Variants in NOL4 observed in about 807,000 individuals in gnomAD.
The protein encoded by NOL4 is nucleolar protein 4.
Under a neutral mutation model 75.9 loss-of-function variants are expected in NOL4, and 17 were observed. The ratio of observed to expected loss-of-function variants is 0.22; its 90% confidence interval spans 0.15 to 0.34. NOL4 has a LOEUF of 0.34. Ranked by LOEUF, NOL4 falls within the 10% of genes least tolerant of loss-of-function variation. NOL4 has a pLI of 1.00. For missense variants in NOL4, 614 were observed against 793.5 expected (o/e 0.77, Z 2.72); for synonymous variants, 292 against 289.9 (o/e 1.01, Z -0.07).
At chr18:33,952,240 C>T (rs190130865) in intron 8 of NOL4, among the ~76,000 whole-genome samples, 1 of 152,052 alleles carries the variant, frequency 6.6e-6, no homozygotes, top group Non-Finnish European at 1.5e-5. Context: ...ATAAGTAGCT[C>T]TGAAAAATAT....
At chr18:34,192,211 A>T (rs1207480700) in intron 1 of NOL4, among the ~76,000 whole-genome samples, 3 of 152,204 alleles carry the variant, frequency 2.0e-5, no homozygotes, top group Non-Finnish European at 4.4e-5. Flanking sequence ...TCATTGATGA[A>T]AGACATCATT....
intron 1 of NOL4, among the ~76,000 whole-genome samples, chr18:34,139,301 T>A (rs545819310): frequency 1.8e-4 from 27 of 152,352 alleles, no homozygotes; most frequent in African/African-American, 5.0e-4. Context: ...TGAATCTGTC[T>A]GGTCCTGGAC....
chr18:33,989,262 G>T (rs1014725252), intron 6 of NOL4, among the ~76,000 whole-genome samples: 13 of 150,852 alleles, frequency 8.6e-5, no homozygotes, highest in Admixed American at 7.9e-4. Flanking sequence ...AATATAGGCT[G>T]GTTAGTGATA....
At chr18:33,881,724 C>G (rs982316106) in intron 10 of NOL4, among the ~76,000 whole-genome samples, 1 of 152,034 alleles carries the variant, frequency 6.6e-6, no homozygotes, top group Non-Finnish European at 1.5e-5. Flanking sequence ...CATATGGAAC[C>G]AAAAACGAGC....
chr18:33,871,855 C>T (rs570607563), intron 10 of NOL4, among the ~76,000 whole-genome samples: 14 of 152,204 alleles, frequency 9.2e-5, no homozygotes, highest in Admixed American at 8.5e-4. Flanking sequence ...ACTCACCTCC[C>T]TTTTCAGGGC....
chr18:34,174,242 T>C (rs1328936050), intron 1 of NOL4, among the ~76,000 whole-genome samples: 1 of 152,116 alleles, frequency 6.6e-6, no homozygotes, highest in African/African-American at 2.4e-5. Context: ...ACTATTTAAA[T>C]CCAGGGCACA....
chr18:34,104,006 C>A lies in NOL4; in HGVS notation c.639+41G>T, dbSNP rs75344802. On this transcript the variant is annotated intron_variant, in intron 4 of 10. Transcript: ENST00000261592. ...ATAGTCATGGTTATCAAGCTTCGTT[C>A]CAATTTGTAAGTAATACAAATGTAG... The A allele has an allele frequency of 4.8e-4, 650 of 1,343,142 alleles. 1 individual carries two copies. The African/African-American group carries it at 8.1e-3, about 17-fold the overall frequency. 83.2% of individuals were successfully genotyped at this position (1,343,142 alleles called of 1,614,324 possible). A position where few individuals can be genotyped will look rare whatever the true frequency, so the allele number is the denominator to read the frequency against.
intron 6 of NOL4, among the ~76,000 whole-genome samples, chr18:34,007,474 TATAA>T (rs1452079563): frequency 6.6e-6 from 1 of 151,992 alleles, no homozygotes; most frequent in Non-Finnish European, 1.5e-5. Context: ...TAGAAGAAGG[TATAA>T]ATACCAGCTA....
At chr18:34,072,208 G>C (rs976545275) in intron 5 of NOL4, among the ~76,000 whole-genome samples, 2 of 152,114 alleles carry the variant, frequency 1.3e-5, no homozygotes, top group Admixed American at 1.3e-4. Flanking sequence ...CTAGGTGACA[G>C]AGCGAGACTC....
At chr18:34,135,720 C>T (rs78316933) in intron 1 of NOL4, among the ~76,000 whole-genome samples, 1 of 58,942 alleles carries the variant, frequency 1.7e-5, no homozygotes, top group Non-Finnish European at 3.5e-5. Flanking sequence ...AAGCTTTTCA[C>T]ACACAGAAGC....
At chr18:34,136,386 G>C (rs912945574) in intron 1 of NOL4, among the ~76,000 whole-genome samples, 2 of 152,104 alleles carry the variant, frequency 1.3e-5, no homozygotes, top group Non-Finnish European at 2.9e-5. Flanking sequence ...AATTGGAAAG[G>C]AAGAAGTAAA....
At chr18:34,121,743 C>T (rs988449616) in intron 2 of NOL4, among the ~76,000 whole-genome samples, 5 of 152,136 alleles carry the variant, frequency 3.3e-5, no homozygotes, top group Admixed American at 3.3e-4. Context: ...AGAGAACTGG[C>T]TATGTGGTTT....
chr18:34,048,973 T>C (rs2076506732), intron 5 of NOL4, among the ~76,000 whole-genome samples: 1 of 151,960 alleles, frequency 6.6e-6, no homozygotes, highest in African/African-American at 2.4e-5. Flanking sequence ...TTAAAATGAT[T>C]ACAATGAGTT....
At chr18:34,187,256 G>A (rs1160944414) in intron 1 of NOL4, among the ~76,000 whole-genome samples, 1 of 151,806 alleles carries the variant, frequency 6.6e-6, no homozygotes, top group East Asian at 1.9e-4. Flanking sequence ...GCTTTTTCCA[G>A]AGTGTCAGAT....
In NOL4 at chr18:34,044,777, T is replaced by C. The variant is rs184752729; in HGVS notation, c.773-25176A>G. On this transcript the variant is annotated intron_variant, in intron 5 of 10. Transcript: ENST00000261592. ...AAATCAAATTCGTTCCTGCCTCCCA[T>C]TACCGCCACTACTCTCTTCAAAAAC... Among the ~76,000 whole-genome samples, 268 of 152,296 alleles carry C rather than the reference T, an allele frequency of 1.8e-3. 2 individuals carry two copies. The highest frequency in any genetic ancestry group is 5.2e-3 in the African/African-American group (218 of 41,590).
chr18:34,009,844 T>C lies in NOL4; in HGVS notation c.1056+9474A>G, dbSNP rs143132110. Among the ~76,000 whole-genome samples the C allele has an allele frequency of 2.7e-4, 41 of 152,058 alleles. No homozygotes were observed. In the East Asian group the frequency reaches 7.0e-3, roughly 26 times the overall value. On this transcript the variant is annotated intron_variant, in intron 6 of 10. Coordinates refer to ENST00000261592, the MANE Select transcript of NOL4 (RefSeq NM_003787.5). ...TTTAGAAATTCTTAGTATAATCATATATACAATTTCTTTGAATCTTGGTTT... is the reference window on the plus strand; with the variant it reads ...TTTAGAAATTCTTAGTATAATCATACATACAATTTCTTTGAATCTTGGTTT...
chr18:34,075,817 G>C (rs1600497060), intron 5 of NOL4, among the ~76,000 whole-genome samples: 1 of 152,250 alleles, frequency 6.6e-6, no homozygotes, highest in East Asian at 1.9e-4. Flanking sequence ...CTTTCTTTGA[G>C]TGCATTTGAA....
In NOL4 at chr18:33,996,993, G is replaced by A. The variant is rs963453201; in HGVS notation, c.1056+22325C>T. ...TAGTTTAAGTTCCTTACGCATTCTG[G>A]ATGTTGAACTTTTGTCAGATGCATA... On this transcript the variant is annotated intron_variant, in intron 6 of 10. Transcript: ENST00000261592. Among the ~76,000 whole-genome samples, 18 of 151,882 alleles carry A rather than the reference G, an allele frequency of 1.2e-4. No homozygotes were observed. In the South Asian group the frequency reaches 1.5e-3, roughly 12 times the overall value.
In NOL4 at chr18:34,031,999, C is replaced by T. The variant is rs539593588; in HGVS notation, c.773-12398G>A. Among the ~76,000 whole-genome samples the T allele has an allele frequency of 1.1e-4, 17 of 152,342 alleles. No homozygotes were observed. In the East Asian group the frequency reaches 3.1e-3, roughly 28 times the overall value. On this transcript the variant is annotated intron_variant, in intron 5 of 10. Coordinates refer to ENST00000261592, the MANE Select transcript of NOL4 (RefSeq NM_003787.5). ...TGCCATTTTCGAGTGCCAGTGGCAA[C>T]ACACTGCACTCTTCCGGGGACTAGT...
Sources: allele counts gnomAD v4.1 joint callset (sites outside exome capture counted in the v4.1 genomes callset), GRCh38; gene constraint gnomAD v4.1.1; transcripts MANE v1.5; gene names NCBI Gene and HGNC (gene_info 2026-07-23, HGNC 2026-07-21).